Variants in DSCAML1 observed in about 807,000 individuals in gnomAD.
DSCAML1 encodes the protein cell adhesion molecule DSCAML1.
Under a neutral mutation model 200.5 loss-of-function variants are expected in DSCAML1, and 38 were observed. The observed-to-expected ratio is 0.19, with a 90% CI of 0.15 to 0.25. DSCAML1 has a LOEUF of 0.25. Ranked by LOEUF, DSCAML1 falls within the 10% of genes least tolerant of loss-of-function variation. The probability of loss-of-function intolerance (pLI) is 1.00; values close to 1 mark genes in which losing one functional copy is unlikely to be tolerated. For missense variants in DSCAML1, 2,223 were observed against 2,858.8 expected, an observed-to-expected ratio of 0.78 and a Z score of 5.07; for synonymous variants, 1,215 against 1,165.0, an observed-to-expected ratio of 1.04 and a Z score of -0.87.
rs139183705 is a variant in DSCAML1, at chr11:117,577,790, C to T, written c.512-45268G>A. 2.1e-4 allele frequency among the ~76,000 whole-genome samples: 32 copies of T among 149,922 alleles called. No individual in the cohort carries two copies. The East Asian group carries it at 6.4e-3, about 30-fold the overall frequency. ...CCATGTTGGTCAGGCTAGTGTTGAA[C>T]TACTGACCTCAAGTGATCCACCCGC... On this transcript the variant is annotated intron_variant, in intron 3 of 32. Coordinates refer to ENST00000651296, the MANE Select transcript of DSCAML1 (RefSeq NM_020693.4).
At position 117,586,509 on chromosome 11, in the gene DSCAML1, A is replaced by G. The variant is rs575190064; in HGVS notation, c.512-53987T>C. Among the ~76,000 whole-genome samples, 7 of 152,292 alleles carry G rather than the reference A, an allele frequency of 4.6e-5. No individual in the cohort carries two copies. In the South Asian group the frequency reaches 1.5e-3, roughly 32 times the overall value. ...TGACACCAAGAAGCTGCCCAAGGTC[A>G]CAGAGCTGAGACCTTGACCCAGCTC... On this transcript the variant is annotated intron_variant, in intron 3 of 32. Coordinates refer to ENST00000651296, the MANE Select transcript of DSCAML1 (RefSeq NM_020693.4).
intron 3 of DSCAML1, 141 bp from the exon 4 acceptor site, chr11:117,532,663 T>A: frequency 2.3e-6 from 2 of 867,430 alleles, no homozygotes; most frequent in Non-Finnish European, 3.5e-6. Context: ...CCTTTCAGTG[T>A]AGATGCTCCA....
intron 3 of DSCAML1, among the ~76,000 whole-genome samples, chr11:117,590,475 G>T (rs550320891): frequency 6.6e-6 from 1 of 151,992 alleles, no homozygotes; most frequent in Admixed American, 6.5e-5. Flanking sequence ...GAAAGCAGCA[G>T]CCAGACACCT....
chr11:117,794,306 C>T (rs11216546), intron 1 of DSCAML1, among the ~76,000 whole-genome samples: 35,278 of 152,030 alleles, frequency 0.23, 4,258 homozygotes, highest in African/African-American at 0.3. Context: ...CAACGGAGAG[C>T]GCCTCGCCGG....
At chr11:117,644,420 C>G (rs1167598564) in intron 3 of DSCAML1, among the ~76,000 whole-genome samples, 1 of 152,226 alleles carries the variant, frequency 6.6e-6, no homozygotes, top group African/African-American at 2.4e-5. Context: ...CTCCCAGGCC[C>G]CAAAAGATGC....
intron 3 of DSCAML1, among the ~76,000 whole-genome samples, chr11:117,699,452 C>T (rs991408375): frequency 3.9e-5 from 6 of 152,150 alleles, no homozygotes; most frequent in African/African-American, 9.7e-5. Flanking sequence ...TTGCAAGGAA[C>T]GGAGAGACGG....
At chr11:117,673,318 T>C (rs1002823498) in intron 3 of DSCAML1, among the ~76,000 whole-genome samples, 12 of 152,186 alleles carry the variant, frequency 7.9e-5, no homozygotes, top group African/African-American at 2.4e-4. Flanking sequence ...TGTGCTGGTG[T>C]TTCTGTTTAC....
intron 24 of DSCAML1, among the ~76,000 whole-genome samples, 182 bp from the exon 25 acceptor site, chr11:117,438,265 T>C (rs78218374): frequency 0.16 from 24,759 of 151,916 alleles, 2,882 homozygotes; most frequent in East Asian, 0.58. Context: ...GTCAACTCTC[T>C]ATGTTAAACC....
chr11:117,694,078 T>TATATATAC (rs61622292), intron 3 of DSCAML1, among the ~76,000 whole-genome samples: 1 of 38,692 alleles, frequency 2.6e-5, no homozygotes, highest in African/African-American at 5.2e-5. Context: ...TATATATATA[T>TATATATAC]ACACATATAT....
chr11:117,635,379 A>C (rs1454698663), intron 3 of DSCAML1, among the ~76,000 whole-genome samples: 1 of 152,012 alleles, frequency 6.6e-6, no homozygotes, highest in Non-Finnish European at 1.5e-5. Flanking sequence ...AGAGTCCCGG[A>C]TATCCAAGGG....
chr11:117,702,676 A>G (rs2053691679), intron 3 of DSCAML1, among the ~76,000 whole-genome samples: 1 of 152,212 alleles, frequency 6.6e-6, no homozygotes, highest in Non-Finnish European at 1.5e-5. Context: ...CATATTTAAT[A>G]CAACTTTTAA....
In DSCAML1 at chr11:117,474,945, T is replaced by C. The variant is rs570835604; in HGVS notation, c.2786-2909A>G. Among the ~76,000 whole-genome samples the C allele has an allele frequency of 2.6e-4, 39 of 152,084 alleles. No homozygotes were observed. In the East Asian group the frequency reaches 2.7e-3, roughly 11 times the overall value. ...AATTTTTTTGTATTTTTAGTAGAGA[T>C]GGGGTTTCACCGTGTTAGCCAGGAT... On this transcript the variant is annotated intron_variant, in intron 14 of 32. Coordinates refer to ENST00000651296, the MANE Select transcript of DSCAML1 (RefSeq NM_020693.4).
chr11:117,727,095 G>A (rs77746497), intron 3 of DSCAML1, among the ~76,000 whole-genome samples: 1,703 of 152,236 alleles, frequency 0.011, 19 homozygotes, highest in East Asian at 0.04. Context: ...ACTTTATTAA[G>A]TAGGTACTGT....
At chr11:117,449,254 C>A (rs2048237781) in intron 20 of DSCAML1, among the ~76,000 whole-genome samples, 1 of 152,028 alleles carries the variant, frequency 6.6e-6, no homozygotes, top group Admixed American at 6.5e-5. Flanking sequence ...GTTGTAATGT[C>A]CTGTTCTGTG....
intron 6 of DSCAML1, among the ~76,000 whole-genome samples, chr11:117,520,263 A>G (rs536211629): frequency 5.9e-5 from 9 of 152,142 alleles, no homozygotes; most frequent in Non-Finnish European, 1.2e-4. Context: ...GCAGTGAACA[A>G]CCTGAACAAC....
chr11:117,537,180 A>G (rs1433493244), intron 3 of DSCAML1, among the ~76,000 whole-genome samples: 1 of 152,190 alleles, frequency 6.6e-6, no homozygotes, highest in African/African-American at 2.4e-5. Flanking sequence ...CGCTTCTGTC[A>G]ATGAGGTCCT....
At chr11:117,475,838 C>G (rs2048781666) in intron 14 of DSCAML1, among the ~76,000 whole-genome samples, 1 of 152,050 alleles carries the variant, frequency 6.6e-6, no homozygotes, top group African/African-American at 2.4e-5. Context: ...TGGATTTGAC[C>G]TTGTGTTCCC....
chr11:117,746,170 C>T (rs1159082249), intron 3 of DSCAML1, among the ~76,000 whole-genome samples: 2 of 123,406 alleles, frequency 1.6e-5, no homozygotes, highest in Non-Finnish European at 3.1e-5. Flanking sequence ...TACAGTGAGC[C>T]CAGATCATGC....
intron 3 of DSCAML1, among the ~76,000 whole-genome samples, chr11:117,735,173 C>T (rs1455902052): frequency 6.6e-6 from 1 of 152,182 alleles, no homozygotes; most frequent in Admixed American, 6.5e-5. Flanking sequence ...ACAGCTGGCC[C>T]CAAGTCCCCA....
Sources: allele counts gnomAD v4.1 joint callset (sites outside exome capture counted in the v4.1 genomes callset), GRCh38; gene constraint gnomAD v4.1.1; transcripts MANE v1.5; gene names NCBI Gene and HGNC (gene_info 2026-07-23, HGNC 2026-07-21).